The following DAP variants were observed in gnomAD, a reference collection of about 807,000 sequenced individuals.
The protein encoded by DAP is death-associated protein 1.
DAP carries 8 observed loss-of-function variants against 13.8 expected under a neutral mutation model. The ratio of observed to expected loss-of-function variants is 0.58; its 90% CI spans 0.34 to 1.05. DAP has a LOEUF of 1.05. DAP is among the 50% of genes least tolerant of loss of function. DAP has a pLI of 0.03. For synonymous variants in DAP, 47 were observed against 47.5 expected, an observed-to-expected ratio of 0.99 and a Z score of 0.04; for missense variants, 106 against 133.2, an observed-to-expected ratio of 0.80 and a Z score of 1.01.
At chr5:10,691,388 G>T (rs5745261) in intron 2 of DAP, among the ~76,000 whole-genome samples, 13,522 of 152,168 alleles carry the variant, frequency 0.089, 827 homozygotes, top group African/African-American at 0.17. Context: ...TATTTATGAC[G>T]TTTATAAAGT....
At chr5:10,749,743 CTTTTT>C (rs34643253) in intron 1 of DAP, among the ~76,000 whole-genome samples, 11 of 118,638 alleles carry the variant, frequency 9.3e-5, no homozygotes, top group Non-Finnish European at 1.9e-4. Context: ...GACCACACAA[CTTTTT>C]TTTTTTTTTT....
At chr5:10,754,045 G>A (rs887083846) in intron 1 of DAP, among the ~76,000 whole-genome samples, 5 of 152,144 alleles carry the variant, frequency 3.3e-5, no homozygotes, top group South Asian at 4.2e-4. Context: ...TTCCCAATGC[G>A]AACAGGGCAA....
At chr5:10,731,716 T>C (rs1739466212) in intron 2 of DAP, among the ~76,000 whole-genome samples, 1 of 152,214 alleles carries the variant, frequency 6.6e-6, no homozygotes, top group African/African-American at 2.4e-5. Flanking sequence ...GGTCACCTGA[T>C]TCTGGCCAAT....
intron 2 of DAP, among the ~76,000 whole-genome samples, chr5:10,706,310 T>C (rs1000188790): frequency 2.6e-5 from 4 of 152,222 alleles, no homozygotes; most frequent in African/African-American, 7.2e-5. Flanking sequence ...CATTAACTCA[T>C]GTAATCTTCA....
At chr5:10,750,838 G>A (rs1001964723) in intron 1 of DAP, among the ~76,000 whole-genome samples, 1 of 152,166 alleles carries the variant, frequency 6.6e-6, no homozygotes, top group Non-Finnish European at 1.5e-5. Flanking sequence ...GGATCTCATG[G>A]GGCCTGTGAT....
At chr5:10,755,302 G>C (rs930168275) in intron 1 of DAP, among the ~76,000 whole-genome samples, 1 of 152,232 alleles carries the variant, frequency 6.6e-6, no homozygotes, top group Non-Finnish European at 1.5e-5. Context: ...CGATCCTCCA[G>C]AAGGAACCAG....
At chr5:10,708,411 C>T (rs55929036) in intron 2 of DAP, among the ~76,000 whole-genome samples, 11,364 of 150,614 alleles carry the variant, frequency 0.075, 641 homozygotes, top group East Asian at 0.29. Flanking sequence ...GACACATACA[C>T]GCACACAGGC....
intron 2 of DAP, among the ~76,000 whole-genome samples, chr5:10,723,554 A>T (rs1167584537): frequency 6.6e-6 from 1 of 152,264 alleles, no homozygotes; most frequent in Non-Finnish European, 1.5e-5. Context: ...CAGAGAAGGG[A>T]TGGAGGCACA....
intron 2 of DAP, among the ~76,000 whole-genome samples, chr5:10,732,845 G>A (rs1739499253): frequency 6.6e-6 from 1 of 152,160 alleles, no homozygotes; most frequent in Non-Finnish European, 1.5e-5. Flanking sequence ...ACCATTTTAA[G>A]TGTACAGCTT....
At chr5:10,692,235 T>TAC (rs370988797) in intron 2 of DAP, among the ~76,000 whole-genome samples, 2 of 57,150 alleles carry the variant, frequency 3.5e-5, no homozygotes, top group East Asian at 2.7e-3. Flanking sequence ...TGAGAAGACT[T>TAC]TTAACATTCT....
intron 2 of DAP, among the ~76,000 whole-genome samples, chr5:10,711,091 C>G (rs543148880): frequency 1.3e-5 from 2 of 152,290 alleles, no homozygotes; most frequent in South Asian, 4.1e-4. Flanking sequence ...CTTGAAACAT[C>G]TGAAGTTGTC....
chr5:10,745,837 G>A (rs1026757054), intron 2 of DAP, among the ~76,000 whole-genome samples: 4 of 152,112 alleles, frequency 2.6e-5, no homozygotes, highest in East Asian at 1.9e-4. Context: ...CTTCCTTGGG[G>A]AAACAGATGG....
chr5:10,685,973 C>T (rs546349944), intron 2 of DAP, among the ~76,000 whole-genome samples: 3 of 152,198 alleles, frequency 2.0e-5, no homozygotes, highest in Admixed American at 6.5e-5. Flanking sequence ...ATCTGCTTAT[C>T]GCACTTCACA....
In DAP at chr5:10,680,465, A is replaced by C; in HGVS notation, c.*591T>G. ...TGTTGACTCCTGGAATTGAGGGGCT[A>C]TTTCTAAGATGCATGCTTTTTCGGC... On this transcript the variant is annotated 3_prime_UTR_variant, in exon 4 of 4. Transcript: ENST00000230895. 2.0e-6 allele frequency: 1 copy of C among 494,938 alleles called. No individual in the cohort carries two copies. Among genetic ancestry groups the C allele is most frequent in the Non-Finnish European group, 3.6e-6 (1 of 280,428 alleles). The allele number at this position is 494,938 out of a possible 1,614,324, so 30.7% of individuals were successfully genotyped here.
At chr5:10,713,694 C>T (rs527833833) in intron 2 of DAP, among the ~76,000 whole-genome samples, 71 of 152,334 alleles carry the variant, frequency 4.7e-4, no homozygotes, top group African/African-American at 1.6e-3. Context: ...TAAAGCTGGA[C>T]CAGCAAGGAG....
intron 2 of DAP, among the ~76,000 whole-genome samples, chr5:10,723,872 G>A (rs536743005): frequency 5.3e-5 from 8 of 152,318 alleles, no homozygotes; most frequent in African/African-American, 1.2e-4. Flanking sequence ...CAGAAGGAGA[G>A]TCGCACATCT....
chr5:10,726,059 T>A (rs1356013749), intron 2 of DAP, among the ~76,000 whole-genome samples: 1 of 152,222 alleles, frequency 6.6e-6, no homozygotes, highest in African/African-American at 2.4e-5. Flanking sequence ...CAAGGACCGA[T>A]TAAGTTGAGA....
At chr5:10,685,911 C>T (rs999703201) in intron 2 of DAP, among the ~76,000 whole-genome samples, 5 of 151,370 alleles carry the variant, frequency 3.3e-5, no homozygotes, top group African/African-American at 1.2e-4. Flanking sequence ...TATATAAACA[C>T]CCTCCCCTCT....
intron 1 of DAP, among the ~76,000 whole-genome samples, chr5:10,755,414 G>A (rs1456543838): frequency 6.6e-6 from 1 of 152,168 alleles, no homozygotes; most frequent in Non-Finnish European, 1.5e-5. Flanking sequence ...GAACCACTAA[G>A]TTTATTGTGA....
Sources: allele counts gnomAD v4.1 joint callset (sites outside exome capture counted in the v4.1 genomes callset), GRCh38; gene constraint gnomAD v4.1.1; transcripts MANE v1.5; gene names NCBI Gene and HGNC (gene_info 2026-07-23, HGNC 2026-07-21).